Variants in KCNMA1 observed in about 807,000 individuals in gnomAD.
The protein encoded by KCNMA1 is potassium calcium-activated channel subfamily M alpha 1, also known as Calcium-activated potassium channel subunit alpha-1.
Under a neutral mutation model 140.0 loss-of-function variants are expected in KCNMA1, and 29 were observed. The observed-to-expected ratio is 0.21, with a 90% confidence interval of 0.15 to 0.28. The LOEUF (loss-of-function observed/expected upper bound fraction) is 0.28, where lower values mean the gene tolerates loss of function less well. Ranked by LOEUF, KCNMA1 falls within the 10% of genes least tolerant of loss-of-function variation. KCNMA1 has a pLI of 1.00. For synonymous variants in KCNMA1, 612 were observed against 611.9 expected (o/e 1.00, Z 0.00); for missense variants, 880 against 1,602.2 (o/e 0.55, Z 7.70).
At chr10:77,327,694 A>T (rs1482790051) in intron 2 of KCNMA1, among the ~76,000 whole-genome samples, 3 of 152,128 alleles carry the variant, frequency 2.0e-5, no homozygotes, top group Admixed American at 2.0e-4. Flanking sequence ...ATCCTCCTAT[A>T]AGGTGAGAAA....
chr10:77,138,191 C>A (rs941217302), intron 5 of KCNMA1, among the ~76,000 whole-genome samples: 3 of 152,098 alleles, frequency 2.0e-5, no homozygotes, highest in Non-Finnish European at 2.9e-5. Flanking sequence ...AATAGAGGAG[C>A]CAGTAAGTAG....
At chr10:77,389,850 C>A (rs1260641383) in intron 2 of KCNMA1, among the ~76,000 whole-genome samples, 1 of 152,172 alleles carries the variant, frequency 6.6e-6, no homozygotes, top group Non-Finnish European at 1.5e-5. Context: ...CAAAAGCAGG[C>A]ACCGTAACTC....
chr10:77,231,170 G>C (rs531573900), intron 3 of KCNMA1, among the ~76,000 whole-genome samples: 14 of 152,180 alleles, frequency 9.2e-5, no homozygotes, highest in African/African-American at 2.9e-4. Flanking sequence ...TTTATCATTT[G>C]TACATGTGAC....
At chr10:77,134,961 G>A (rs1473323357) in intron 5 of KCNMA1, among the ~76,000 whole-genome samples, 8 of 110,126 alleles carry the variant, frequency 7.3e-5, no homozygotes, top group Non-Finnish European at 1.0e-4. Flanking sequence ...TCATGCCACC[G>A]CACTCCAGCC....
At chr10:77,330,410 G>C (rs1051701942) in intron 2 of KCNMA1, among the ~76,000 whole-genome samples, 1 of 152,058 alleles carries the variant, frequency 6.6e-6, no homozygotes, top group Non-Finnish European at 1.5e-5. Context: ...GATCACCAAG[G>C]TTAGTATCTC....
intron 5 of KCNMA1, among the ~76,000 whole-genome samples, chr10:77,131,348 G>A (rs933285255): frequency 3.3e-5 from 5 of 152,070 alleles, no homozygotes; most frequent in East Asian, 3.9e-4. Flanking sequence ...GCTCATGCCC[G>A]TCATCTCAGA....
intron 1 of KCNMA1, among the ~76,000 whole-genome samples, chr10:77,608,400 C>T (rs1394047561): frequency 6.6e-6 from 1 of 152,086 alleles, no homozygotes; most frequent in Non-Finnish European, 1.5e-5. Context: ...TCTCAAACTC[C>T]TGGGCTCAAG....
At chr10:77,628,940 G>T (rs977669203) in intron 1 of KCNMA1, among the ~76,000 whole-genome samples, 5 of 152,296 alleles carry the variant, frequency 3.3e-5, no homozygotes, top group Non-Finnish European at 7.4e-5. Context: ...CTGTGAATTC[G>T]CTTTGAAATG....
intron 1 of KCNMA1, among the ~76,000 whole-genome samples, chr10:77,626,244 T>C (rs1199379287): frequency 6.6e-6 from 1 of 152,000 alleles, no homozygotes; most frequent in African/African-American, 2.4e-5. Flanking sequence ...TGAGGCAAAC[T>C]GTTGAGCCCT....
chr10:77,073,473 C>T (rs984760254), intron 13 of KCNMA1, among the ~76,000 whole-genome samples: 66 of 152,284 alleles, frequency 4.3e-4, no homozygotes, highest in African/African-American at 1.6e-3. Flanking sequence ...AGCCCAAGTC[C>T]TCCCCTGGGT....
intron 3 of KCNMA1, among the ~76,000 whole-genome samples, chr10:77,204,074 G>A (rs1328440297): frequency 6.6e-6 from 1 of 150,990 alleles, no homozygotes; most frequent in Non-Finnish European, 1.5e-5. Flanking sequence ...CCAGCCTGGG[G>A]GACACAGTGA....
At chr10:77,360,139 C>T (rs1414939437) in intron 2 of KCNMA1, among the ~76,000 whole-genome samples, 4 of 152,160 alleles carry the variant, frequency 2.6e-5, no homozygotes, top group Non-Finnish European at 4.4e-5. Context: ...AGAGCCCATC[C>T]CAGGCTTGAA....
intron 1 of KCNMA1, among the ~76,000 whole-genome samples, chr10:77,439,524 C>T (rs2097349823): frequency 6.6e-6 from 1 of 152,126 alleles, no homozygotes; most frequent in South Asian, 2.1e-4. Context: ...TCCCAACCAG[C>T]TCTGATTTCT....
intron 2 of KCNMA1, chr10:77,350,401 G>A (rs1465914478): frequency 6.6e-6 from 1 of 152,218 alleles, no homozygotes; most frequent in Non-Finnish European, 1.5e-5. Flanking sequence ...GTAGACCAGA[G>A]CAGGGGCTTC....
At chr10:77,090,074 C>T (rs1389238061) in intron 10 of KCNMA1, among the ~76,000 whole-genome samples, 4 of 152,162 alleles carry the variant, frequency 2.6e-5, no homozygotes, top group Admixed American at 6.5e-5. Flanking sequence ...AATGTGGACA[C>T]GCCAGATTGC....
chr10:77,406,722 T>C (rs1360722362), intron 1 of KCNMA1, among the ~76,000 whole-genome samples: 1 of 152,124 alleles, frequency 6.6e-6, no homozygotes, highest in African/African-American at 2.4e-5. Context: ...GTTTCAATAT[T>C]GGACATTGGT....
chr10:77,325,675 G>A (rs565220865), intron 2 of KCNMA1, among the ~76,000 whole-genome samples: 3 of 152,044 alleles, frequency 2.0e-5, no homozygotes, highest in African/African-American at 2.4e-5. Flanking sequence ...TCTCATGATC[G>A]CTTCTTTCTG....
intron 3 of KCNMA1, among the ~76,000 whole-genome samples, chr10:77,190,763 G>A (rs1174971636): frequency 5.3e-5 from 8 of 152,128 alleles, no homozygotes; most frequent in Non-Finnish European, 7.4e-5. Context: ...CTGGGACCCC[G>A]TGTGGGGTGG....
At chr10:77,335,876 T>G (rs866161608) in intron 2 of KCNMA1, among the ~76,000 whole-genome samples, 9 of 152,162 alleles carry the variant, frequency 5.9e-5, no homozygotes, top group African/African-American at 2.2e-4. Flanking sequence ...CCAAGACCCA[T>G]GCTCCTCACT....
Sources: gnomAD v4.1 joint callset for allele counts (sites outside exome capture counted in the v4.1 genomes callset) on GRCh38, gnomAD v4.1.1 for gene constraint, MANE v1.5 for transcripts, NCBI Gene and HGNC (gene_info 2026-07-23, HGNC 2026-07-21) for gene names.